CNTN1: variants seen among roughly 807,000 people sequenced by gnomAD.
CNTN1 encodes contactin-1.
A neutral mutation model predicts 126.4 loss-of-function variants in CNTN1; 38 were observed. The observed-to-expected ratio is 0.30, with a 90% CI of 0.23 to 0.39. The LOEUF is 0.39. CNTN1 is among the 10% of genes least tolerant of loss of function. The pLI, the probability that CNTN1 is intolerant of heterozygous loss-of-function variation, is 1.00. For synonymous variants in CNTN1, 413 were observed against 422.6 expected (o/e 0.98, Z 0.28); for missense variants, 1,009 against 1,248.4 (o/e 0.81, Z 2.89).
chr12:40,890,971 C>T (rs1051416063), intron 1 of CNTN1, among the ~76,000 whole-genome samples: 4 of 152,112 alleles, frequency 2.6e-5, no homozygotes, highest in Admixed American at 2.0e-4. Context: ...CAGTAGTAAA[C>T]GAGAGTTCCT....
chr12:40,763,134 G>A (rs1311688058), intron 1 of CNTN1: 1 of 152,230 alleles, frequency 6.6e-6, no homozygotes, highest in Non-Finnish European at 1.5e-5. Context: ...CATGATTAAA[G>A]GTCTCCTGAG....
chr12:40,939,684 T>A (rs1946198618), intron 12 of CNTN1, among the ~76,000 whole-genome samples, 199 bp downstream of exon 12: 1 of 152,158 alleles, frequency 6.6e-6, no homozygotes, highest in South Asian at 2.1e-4. Context: ...TTAACAGGAC[T>A]CTATAATGTA....
intron 1 of CNTN1, among the ~76,000 whole-genome samples, chr12:40,813,029 T>TTTCCTTCCTTC (rs1491453705): frequency 4.4e-5 from 5 of 113,456 alleles, no homozygotes; most frequent in Admixed American, 1.8e-4. Flanking sequence ...TCTTTCTTTC[T>TTTCCTTCCTTC]CTTTCTTTCC....
chr12:40,970,186 AC>A (rs952367963), intron 15 of CNTN1, among the ~76,000 whole-genome samples: 3 of 151,934 alleles, frequency 2.0e-5, no homozygotes, highest in African/African-American at 7.2e-5. Context: ...AGGAAATGGC[AC>A]CCCTCTCTGG....
At chr12:40,852,501 T>G (rs1355533073) in intron 1 of CNTN1, among the ~76,000 whole-genome samples, 1 of 152,106 alleles carries the variant, frequency 6.6e-6, no homozygotes, top group Non-Finnish European at 1.5e-5. Context: ...CAAAAATGTT[T>G]ATTAGTATTT....
intron 1 of CNTN1, among the ~76,000 whole-genome samples, chr12:40,719,620 C>T (rs1182122609): frequency 6.6e-6 from 1 of 152,136 alleles, no homozygotes; most frequent in East Asian, 1.9e-4. Flanking sequence ...TCTTATCGTG[C>T]TTTGAGATCA....
At position 40,957,447 on chromosome 12, in the gene CNTN1, CTTT is replaced by C. The variant is rs34057125; in HGVS notation, c.1684-1655_1684-1653del. ...ACTTTTCAAGGTTGATTTACCCTAC[CTTT>C]TTTTTTTTTTTGATATAACCAGTTC... On this transcript the variant is annotated intron_variant, in intron 14 of 23. Coordinates refer to ENST00000551295, the MANE Select transcript of CNTN1 (RefSeq NM_001843.4). Among the ~76,000 whole-genome samples, 397 of 143,370 alleles carry C rather than the reference CTTT, an allele frequency of 2.8e-3. 5 individuals carry two copies. The highest frequency in any genetic ancestry group is 9.0e-3 in the African/African-American group (354 of 39,350). 94.1% of individuals were successfully genotyped at this position (143,370 alleles called of 152,430 possible).
rs1407187381 is a variant in CNTN1, at chr12:40,922,251, C to T, written c.228-5C>T. The T allele has an allele frequency of 3.7e-6, 6 of 1,613,466 alleles. No homozygotes were observed. The highest frequency in any genetic ancestry group is 4.2e-6 in the Non-Finnish European group (5 of 1,179,536). ...TGATATGACCTTTGTGTCTTTTTCT[C>T]ATAGATGGAGAATGAATAATGGGGA... On this transcript the variant is annotated splice_region_variant and splice_polypyrimidine_tract_variant and intron_variant, in intron 4 of 23. Coordinates refer to ENST00000551295, the MANE Select transcript of CNTN1 (RefSeq NM_001843.4).
chr12:40,715,036 C>T lies in CNTN1; in HGVS notation c.-77+22444C>T, dbSNP rs561767372. Among the ~76,000 whole-genome samples the T allele has an allele frequency of 3.3e-5, 5 of 152,170 alleles. No individual in the cohort carries two copies. In the South Asian group the frequency reaches 6.2e-4, roughly 19 times the overall value. ...TAAAAAATGGATGTAGAAAGACATGCGATAAGAAAATCTAATACCATGGAT... is the reference window on the plus strand; with the variant it reads ...TAAAAAATGGATGTAGAAAGACATGTGATAAGAAAATCTAATACCATGGAT... On this transcript the variant is annotated intron_variant, in intron 1 of 23. Coordinates refer to ENST00000551295, the MANE Select transcript of CNTN1 (RefSeq NM_001843.4).
At chr12:40,965,018 A>T (rs1947255401) in intron 15 of CNTN1, among the ~76,000 whole-genome samples, 2 of 152,128 alleles carry the variant, frequency 1.3e-5, no homozygotes, top group Admixed American at 6.6e-5. Context: ...GAAAATTAGT[A>T]TTCTTTTTTT....
chr12:40,782,349 T>G (rs1226621504), intron 1 of CNTN1, among the ~76,000 whole-genome samples: 1 of 151,994 alleles, frequency 6.6e-6, no homozygotes, highest in Non-Finnish European at 1.5e-5. Flanking sequence ...TTTACTGATT[T>G]TATAAATGTA....
chr12:40,939,615 A>G (rs1343325798), intron 12 of CNTN1, 130 bp downstream of exon 12: 1 of 956,990 alleles, frequency 1.0e-6, no homozygotes, highest in Non-Finnish European at 1.6e-6. Flanking sequence ...AAGATCCTGT[A>G]GTTCTAAGAT....
chr12:41,028,044 T>G (rs1949071819), intron 22 of CNTN1, 75 bp downstream of exon 22: 5 of 1,087,542 alleles, frequency 4.6e-6, no homozygotes, highest in Middle Eastern at 2.2e-4. Flanking sequence ...TTTCTTTTCT[T>G]TTTTTGAGAT....
At chr12:40,713,144 C>G (rs1302153875) in intron 1 of CNTN1, among the ~76,000 whole-genome samples, 1 of 151,836 alleles carries the variant, frequency 6.6e-6, no homozygotes, top group Non-Finnish European at 1.5e-5. Context: ...TTTTTGCATT[C>G]ATTTCAAAAC....
intron 23 of CNTN1, among the ~76,000 whole-genome samples, chr12:41,048,747 G>A (rs1409045143): frequency 1.3e-5 from 2 of 151,768 alleles, no homozygotes; most frequent in East Asian, 3.9e-4. Flanking sequence ...AAAGAGGGAA[G>A]GAAGGAGAGA....
At chr12:40,987,755 T>C (rs970164741) in intron 16 of CNTN1, among the ~76,000 whole-genome samples, 3 of 152,214 alleles carry the variant, frequency 2.0e-5, no homozygotes, top group Non-Finnish European at 2.9e-5. Flanking sequence ...GTAAATTAAA[T>C]TGTTGAGTGT....
intron 23 of CNTN1, among the ~76,000 whole-genome samples, chr12:41,041,845 GT>G (rs1949420028): frequency 6.6e-6 from 1 of 151,956 alleles, no homozygotes; most frequent in African/African-American, 2.4e-5. Context: ...TATCAATTTT[GT>G]TGATCCTTTC....
At chr12:40,990,373 G>T (rs1478201798) in intron 16 of CNTN1, among the ~76,000 whole-genome samples, 3 of 152,114 alleles carry the variant, frequency 2.0e-5, no homozygotes, top group Admixed American at 6.5e-5. Context: ...TTCCCCCTTT[G>T]AGAGAGTTTT....
intron 1 of CNTN1, among the ~76,000 whole-genome samples, chr12:40,863,438 C>T (rs192175316): frequency 4.3e-4 from 65 of 152,270 alleles, no homozygotes; most frequent in African/African-American, 1.5e-3. Context: ...AAGTATTTGA[C>T]ATAGTAAAGG....
Sources: gnomAD v4.1 joint callset for allele counts (sites outside exome capture counted in the v4.1 genomes callset) on GRCh38, gnomAD v4.1.1 for gene constraint, MANE v1.5 for transcripts, NCBI Gene and HGNC (gene_info 2026-07-23, HGNC 2026-07-21) for gene names.